Variants in INPP5B observed in about 807,000 individuals in gnomAD.
The protein encoded by INPP5B is type II inositol 1,4,5-trisphosphate 5-phosphatase.
INPP5B carries 90 observed loss-of-function variants against 118.5 expected under a neutral mutation model. The observed-to-expected ratio is 0.76, with a 90% CI of 0.64 to 0.90. The LOEUF (loss-of-function observed/expected upper bound fraction) is 0.90. Among genes scored for constraint, INPP5B ranks in the 40% least tolerant of loss-of-function variants. The probability of loss-of-function intolerance (pLI) is 0.00; values close to 1 mark genes in which losing one functional copy is unlikely to be tolerated. For missense variants in INPP5B, 984 were observed against 1,125.6 expected (o/e 0.87, Z 1.80); for synonymous variants, 385 against 418.9 (o/e 0.92, Z 0.99).
intron 7 of INPP5B, among the ~76,000 whole-genome samples, chr1:37,910,119 C>A (rs1197600863): frequency 6.6e-6 from 1 of 152,234 alleles, no homozygotes; most frequent in Non-Finnish European, 1.5e-5. Flanking sequence ...AGCTTAGCGG[C>A]TGAAGACTGA....
chr1:37,873,888 G>T, intron 18 of INPP5B, 105 bp downstream of exon 18: 1 of 817,880 alleles, frequency 1.2e-6, no homozygotes, highest in Non-Finnish European at 1.7e-6. Context: ...GCCTCAAGCA[G>T]AGAATAAAAC....
At chr1:37,864,599 T>G (rs1182911065) in intron 22 of INPP5B, 176 bp from the exon 23 acceptor site, 2 of 470,098 alleles carry the variant, frequency 4.3e-6, no homozygotes, top group African/African-American at 4.0e-5. Flanking sequence ...AAATGCAACA[T>G]GAATTTAGAA....
intron 13 of INPP5B, chr1:37,883,236 A>G (rs1643315589): frequency 6.1e-6 from 6 of 985,462 alleles, no homozygotes; most frequent in Non-Finnish European, 1.2e-6. Context: ...AGGGAAAAAA[A>G]ATCAAGAATT....
At chr1:37,886,621 A>G (rs1325235111) in intron 12 of INPP5B, among the ~76,000 whole-genome samples, 3 of 152,236 alleles carry the variant, frequency 2.0e-5, no homozygotes, top group African/African-American at 7.2e-5. Context: ...TTTCTGCAAC[A>G]TACTTCATGG....
chr1:37,880,120 G>C lies in INPP5B; in HGVS notation c.1506C>G (p.Tyr502Ter), dbSNP rs754670086. 2.5e-6 allele frequency: 4 copies of C among 1,611,576 alleles called. No homozygotes were observed. The highest frequency in any genetic ancestry group is 1.3e-5 in the African/African-American group (1 of 74,882). Residue 502 changes from tyrosine to a stop codon, truncating the protein, a stop_gained, in exon 15 of 24, where the codon TAC becomes TAG. Coordinates refer to ENST00000373024, the MANE Select transcript of INPP5B (RefSeq NM_005540.3). LOFTEE classifies it high-confidence loss of function. ...AGTCGTCAGAGCCCGTATCATACTT[G>C]TAAGTAGGCTGGAATGTGAGCTCAC... is the stretch of plus-strand genomic sequence containing the variant. ...TEGELTFQPT[Y>*]KYDTGSDDWD...
At chr1:37,910,059 C>T (rs535347661) in intron 7 of INPP5B, among the ~76,000 whole-genome samples, 2 of 152,306 alleles carry the variant, frequency 1.3e-5, no homozygotes, top group South Asian at 4.1e-4. Flanking sequence ...CCCAGAGCCC[C>T]TGGAACTCTG....
chr1:37,932,363 C>CTTTTTTTTTT (rs58150703), intron 6 of INPP5B, among the ~76,000 whole-genome samples: 248 of 87,776 alleles, frequency 2.8e-3, no homozygotes, highest in Non-Finnish European at 3.3e-3. Context: ...CTTTTCTTTT[C>CTTTTTTTTTT]TTTTTTTTTT....
chr1:37,868,829 C>A (rs1471550539), intron 19 of INPP5B, among the ~76,000 whole-genome samples: 5 of 152,176 alleles, frequency 3.3e-5, no homozygotes, highest in Non-Finnish European at 5.9e-5. Flanking sequence ...TTCAATGAAT[C>A]AGGTCAAATA....
chr1:37,885,885 C>T (rs1643499079), intron 12 of INPP5B, 60 bp from the exon 13 acceptor site: 2 of 1,532,418 alleles, frequency 1.3e-6, no homozygotes, highest in Non-Finnish European at 1.8e-6. Context: ...TCACTTAAAC[C>T]TACAAACTTT....
intron 7 of INPP5B, among the ~76,000 whole-genome samples, chr1:37,910,012 C>G (rs1341226714): frequency 6.6e-6 from 1 of 152,200 alleles, no homozygotes; most frequent in African/African-American, 2.4e-5. Flanking sequence ...CAGGACCCCA[C>G]TGGAAATCAG....
intron 13 of INPP5B, 86 bp from the exon 14 acceptor site, chr1:37,883,004 G>T: frequency 6.5e-7 from 1 of 1,540,296 alleles, no homozygotes; most frequent in Non-Finnish European, 8.7e-7. Context: ...AGGCCCCTGA[G>T]GCTCAGCCTC....
chr1:37,889,448 T>G (rs189420341), intron 9 of INPP5B, 109 bp downstream of exon 9: 11 of 770,026 alleles, frequency 1.4e-5, no homozygotes, highest in East Asian at 1.0e-4. Flanking sequence ...AGGGGAGAGA[T>G]TCTATAGAAG....
chr1:37,872,007 T>A (rs1336668820), intron 19 of INPP5B, among the ~76,000 whole-genome samples: 2 of 127,258 alleles, frequency 1.6e-5, no homozygotes, highest in Non-Finnish European at 3.1e-5. Context: ...GAGGGTGCAG[T>A]AAGCTGAGAT....
chr1:37,872,109 G>A (rs183106675), intron 19 of INPP5B, among the ~76,000 whole-genome samples: 34 of 145,832 alleles, frequency 2.3e-4, no homozygotes, highest in African/African-American at 8.3e-4. Flanking sequence ...GCTCATGCCT[G>A]TAATCCCAGC....
At chr1:37,940,140 T>C (rs1645859813) in intron 6 of INPP5B, among the ~76,000 whole-genome samples, 1 of 152,160 alleles carries the variant, frequency 6.6e-6, no homozygotes, top group African/African-American at 2.4e-5. Context: ...AATTTGCATG[T>C]TCTATGACTA....
chr1:37,946,295 A>C lies in INPP5B; in HGVS notation c.14T>G (p.Val5Gly). 6.2e-7 allele frequency: 1 copy of C among 1,612,140 alleles called. No individual in the cohort carries two copies. Among genetic ancestry groups the C allele is most frequent in the Non-Finnish European group, 8.5e-7 (1 of 1,179,258 alleles). MDQSVAIQETLAEGE... is the reference protein window; with the variant it reads MDQSGAIQETLAEGE... ...CTCAGCCAGCGTCTCCTGGATTGCC[A>C]CAGACTGGTCCATGCTGGCCCCTGC... is the stretch of plus-strand genomic sequence containing the variant. Residue 5 changes from valine to glycine, a missense_variant, in exon 2 of 24, where the codon GTG (valine) becomes GGG (glycine). This residue lies in a region of INPP5B where 350 missense variants were observed against 334.6 expected (regional missense o/e 1.05). Coordinates refer to ENST00000373024, the MANE Select transcript of INPP5B (RefSeq NM_005540.3).
intron 5 of INPP5B, among the ~76,000 whole-genome samples, chr1:37,942,687 TC>T (rs1645977172): frequency 6.6e-6 from 1 of 152,060 alleles, no homozygotes; most frequent in Non-Finnish European, 1.5e-5. Flanking sequence ...GGCAGGTGGA[TC>T]ATCTGAGGTC....
intron 7 of INPP5B, among the ~76,000 whole-genome samples, chr1:37,901,473 ACT>A (rs1487768911): frequency 6.6e-6 from 1 of 151,714 alleles, no homozygotes; most frequent in Admixed American, 6.6e-5. Flanking sequence ...GTTTCTAATG[ACT>A]CTCTCAGGAT....
At chr1:37,896,922 C>A (rs552938014) in intron 7 of INPP5B, among the ~76,000 whole-genome samples, 4 of 134,642 alleles carry the variant, frequency 3.0e-5, no homozygotes, top group African/African-American at 8.2e-5. Context: ...TGCCCAGCCG[C>A]CCCTACTGGG....
Sources: allele counts gnomAD v4.1 joint callset (sites outside exome capture counted in the v4.1 genomes callset), GRCh38; gene constraint gnomAD v4.1.1; regional missense constraint gnomAD v4.1.1; transcripts MANE v1.5; gene names NCBI Gene and HGNC (gene_info 2026-07-23, HGNC 2026-07-21).